The following ALDH4A1 variants were observed in gnomAD, a reference collection of about 807,000 sequenced individuals.
ALDH4A1 encodes aldehyde dehydrogenase 4 family member A1.
A neutral mutation model predicts 70.5 loss-of-function variants in ALDH4A1; 46 were observed. The ratio of observed to expected loss-of-function variants is 0.65; its 90% CI spans 0.51 to 0.83. ALDH4A1 has a LOEUF of 0.83. Ranked by LOEUF, ALDH4A1 falls within the 40% of genes least tolerant of loss-of-function variation. The pLI is 0.00. For missense variants in ALDH4A1, 749 were observed against 766.5 expected (o/e 0.98, Z 0.27); for synonymous variants, 323 against 324.3 (o/e 1.00, Z 0.04).
At chr1:18,881,943 C>T in intron 7 of ALDH4A1, 56 bp from the exon 8 acceptor site, 4 of 1,505,388 alleles carry the variant, frequency 2.7e-6, no homozygotes, top group South Asian at 1.2e-5. Flanking sequence ...CCCCCAACCC[C>T]CACCCCACCC....
intron 8 of ALDH4A1, 101 bp from the exon 9 acceptor site, chr1:18,879,474 G>A (rs116422915): frequency 2.8e-6 from 3 of 1,061,976 alleles, no homozygotes; most frequent in East Asian, 2.6e-5. Flanking sequence ...CCAGCAGGAG[G>A]TGGGAGCCAA....
intron 14 of ALDH4A1, among the ~76,000 whole-genome samples, chr1:18,873,229 G>A (rs28482942): frequency 0.39 from 59,075 of 151,956 alleles, 12,509 homozygotes; most frequent in East Asian, 0.67. Context: ...AGGGTGTGGC[G>A]TGGAGAGAAC....
chr1:18,893,809 C>T (rs1935525814), intron 1 of ALDH4A1, among the ~76,000 whole-genome samples: 3 of 152,134 alleles, frequency 2.0e-5, no homozygotes, highest in African/African-American at 7.2e-5. Context: ...CAGCCGGTAG[C>T]TTATATTATT....
chr1:18,889,098 A>G (rs573723190), intron 3 of ALDH4A1, among the ~76,000 whole-genome samples: 2 of 152,282 alleles, frequency 1.3e-5, no homozygotes, highest in South Asian at 4.1e-4. Flanking sequence ...CAAGAAATCT[A>G]TGAGGAATAA....
chr1:18,881,621 C>A, intron 8 of ALDH4A1, 79 bp downstream of exon 8: 1 of 1,518,286 alleles, frequency 6.6e-7, no homozygotes, highest in East Asian at 2.3e-5. Flanking sequence ...GGGTTCACAG[C>A]CCCATCCCCA....
chr1:18,877,752 T>C lies in ALDH4A1; in HGVS notation c.941-140A>G, dbSNP rs1934780809. 3.8e-6 allele frequency: 4 copies of C among 1,046,014 alleles called. No homozygotes were observed. In the Admixed American group the frequency reaches 9.3e-5, roughly 24 times the overall value. The allele number at this position is 1,046,014 out of a possible 1,614,324, so 64.8% of individuals were successfully genotyped here. A position where few individuals can be genotyped will look rare whatever the true frequency, so the allele number is the denominator to read the frequency against. On this transcript the variant is annotated intron_variant, in intron 9 of 14. Transcript: ENST00000375341. ...GCCCAGAGCGGGCGGAGGCTCAGAG[T>C]GAGCGCTGGCCAACATCCCAGAGAC... is the stretch of plus-strand genomic sequence containing the variant.
intron 1 of ALDH4A1, among the ~76,000 whole-genome samples, chr1:18,895,330 C>T (rs1017858540): frequency 9.2e-5 from 14 of 152,202 alleles, no homozygotes; most frequent in African/African-American, 3.4e-4. Context: ...TCCCCCTCAC[C>T]CTCTACAAGT....
Position 18,902,500 on chromosome 1 carries a change from G to C in ALDH4A1, c.24C>G (p.Leu8=). MLLPAPA[L]RRALLSRPWT... ...AGGGGCGGGACAGCAGGGCGCGGCGGAGCGCGGGCGCCGGCAGCAGCATCT... is the reference window on the plus strand; with the variant it reads ...AGGGGCGGGACAGCAGGGCGCGGCGCAGCGCGGGCGCCGGCAGCAGCATCT... The change falls in exon 1 of 15, where the codon CTC becomes CTG. Residue 8 remains leucine (L), a synonymous_variant. Transcript: ENST00000375341. 4 of 1,480,768 alleles carry C rather than the reference G, an allele frequency of 2.7e-6. No homozygotes were observed. Among genetic ancestry groups the C allele is most frequent in the Non-Finnish European group, 3.6e-6 (4 of 1,116,390 alleles). The allele number at this position is 1,480,768 out of a possible 1,614,324, so 91.7% of individuals were successfully genotyped here.
intron 4 of ALDH4A1, 145 bp from the exon 5 acceptor site, chr1:18,885,773 A>AT: frequency 8.3e-7 from 1 of 1,211,826 alleles, no homozygotes; most frequent in Middle Eastern, 2.8e-4. Context: ...CCCTGCCACC[A>AT]TAGCTGCCAA....
chr1:18,883,957 C>T (rs537954139), intron 5 of ALDH4A1, among the ~76,000 whole-genome samples: 22 of 152,266 alleles, frequency 1.4e-4, no homozygotes, highest in African/African-American at 5.1e-4. Flanking sequence ...TCCCTTAAAC[C>T]GTCAATTCTT....
rs1934904340 is a variant in ALDH4A1, at chr1:18,880,039, GTGGAGAATGGGGTCCAGGCC to G, written c.867-686_867-667del. Among the ~76,000 whole-genome samples the G allele has an allele frequency of 6.9e-6, 1 of 144,844 alleles. No homozygotes were observed. Among genetic ancestry groups the G allele is most frequent in the Non-Finnish European group, 1.5e-5 (1 of 65,880 alleles). Reference sequence around the variant, plus strand: ...CTTTAAGCCCGCTGCTCATCAGAGCGTGGAGAATGGGGTCCAGGCCCGCTCCGCCCGCTGATAGGCGGGGA... The same window carrying G: ...CTTTAAGCCCGCTGCTCATCAGAGCGCGCTCCGCCCGCTGATAGGCGGGGA... On this transcript the variant is annotated intron_variant, in intron 8 of 14. Coordinates refer to ENST00000375341, the MANE Select transcript of ALDH4A1 (RefSeq NM_003748.4). This position sits in a 1 kb window ranked among gnomAD's most constrained non-coding sequence, Gnocchi z 5.1.
intron 4 of ALDH4A1, 52 bp downstream of exon 4, chr1:18,886,412 A>G (rs373374491): frequency 6.3e-6 from 10 of 1,591,408 alleles, no homozygotes; most frequent in Non-Finnish European, 8.6e-6. Context: ...GGCAGGGCAG[A>G]GCAGGGGCAG....
At chr1:18,883,026 C>A (rs991703129) in intron 7 of ALDH4A1, 98 bp downstream of exon 7, 3 of 1,522,072 alleles carry the variant, frequency 2.0e-6, no homozygotes, top group Admixed American at 1.7e-5. Context: ...CTCCCCATGA[C>A]TAGGCTGAGA....
chr1:18,902,266 G>T (rs942785878), intron 1 of ALDH4A1, among the ~76,000 whole-genome samples, 196 bp downstream of exon 1: 2 of 152,228 alleles, frequency 1.3e-5, no homozygotes, highest in African/African-American at 4.8e-5. Flanking sequence ...ACTACCTGAG[G>T]GAGGAGGCTA....
intron 7 of ALDH4A1, 103 bp from the exon 8 acceptor site, chr1:18,881,990 C>T: frequency 1.7e-6 from 2 of 1,199,744 alleles, no homozygotes; most frequent in Non-Finnish European, 1.2e-6. Flanking sequence ...CTGGAACCAC[C>T]AGACTCTGTG....
chr1:18,887,409 C>T lies in ALDH4A1; in HGVS notation c.250-898G>A, dbSNP rs965678741. ...GGTCAGGAGATCGAGACCATCCTGG[C>T]TAACATGGTGAAACCCTCTCTCTAC... On this transcript the variant is annotated intron_variant, in intron 3 of 14. Coordinates refer to ENST00000375341, the MANE Select transcript of ALDH4A1 (RefSeq NM_003748.4). Among the ~76,000 whole-genome samples, 15 of 152,340 alleles carry T rather than the reference C, an allele frequency of 9.8e-5. No individual in the cohort carries two copies. The East Asian group carries it at 2.3e-3, about 24-fold the overall frequency.
intron 1 of ALDH4A1, among the ~76,000 whole-genome samples, chr1:18,892,579 C>G (rs576516723): frequency 6.6e-6 from 1 of 151,162 alleles, no homozygotes; most frequent in Non-Finnish European, 1.5e-5. Context: ...TGAGAGGGGC[C>G]TGCGTGGTAG....
Position 18,872,699 on chromosome 1 carries a change from A to C in ALDH4A1, c.*146T>G, listed in dbSNP as rs898499256. 3.0e-6 allele frequency: 2 copies of C among 666,960 alleles called. No individual in the cohort carries two copies. Among genetic ancestry groups the C allele is most frequent in the Admixed American group, 2.4e-5 (1 of 42,074 alleles). The allele number at this position is 666,960 out of a possible 1,614,324, so 41.3% of individuals were successfully genotyped here. On this transcript the variant is annotated 3_prime_UTR_variant, in exon 15 of 15. Coordinates refer to ENST00000375341, the MANE Select transcript of ALDH4A1 (RefSeq NM_003748.4). ...GAGCCTGAGGCATGGGAGAGGCCAG[A>C]ATACAGTGGTAAGAAGGGAGTCAAG... is the stretch of plus-strand genomic sequence containing the variant.
chr1:18,901,450 T>C (rs1481364938), intron 1 of ALDH4A1, among the ~76,000 whole-genome samples: 4 of 152,120 alleles, frequency 2.6e-5, no homozygotes, highest in Non-Finnish European at 1.5e-5. Context: ...GAGGGGGGGC[T>C]GATCCACAGG....
Sources: allele counts gnomAD v4.1 joint callset (sites outside exome capture counted in the v4.1 genomes callset), GRCh38; gene constraint gnomAD v4.1.1; non-coding constraint Gnocchi (gnomAD v3.1); transcripts MANE v1.5; gene names NCBI Gene and HGNC (gene_info 2026-07-23, HGNC 2026-07-21).